The following PTPRN2 variants were observed in gnomAD, a reference collection of about 807,000 sequenced individuals.
PTPRN2 encodes receptor-type tyrosine-protein phosphatase N2.
Under a neutral mutation model 118.8 loss-of-function variants are expected in PTPRN2, and 74 were observed. That is an observed-to-expected ratio of 0.62 (90% CI 0.52 to 0.76). The LOEUF (loss-of-function observed/expected upper bound fraction) is 0.76. Among genes scored for constraint, PTPRN2 ranks in the 30% least tolerant of loss-of-function variants. The probability of loss-of-function intolerance (pLI) is 0.00; values close to 1 mark genes in which losing one functional copy is unlikely to be tolerated. For synonymous variants in PTPRN2, 641 were observed against 608.0 expected (o/e 1.05, Z -0.80); for missense variants, 1,481 against 1,394.4 (o/e 1.06, Z -0.99).
rs117366370 is a variant in PTPRN2 at position 157,891,349 on chromosome 7, G to A, written c.1788+7324C>T. 8.4e-3 allele frequency among the ~76,000 whole-genome samples: 1,284 copies of A among 152,096 alleles called. 11 individuals carry two copies. Among genetic ancestry groups the A allele is most frequent in the Non-Finnish European group, 0.015 (1,013 of 67,980 alleles). Reference sequence around the variant, plus strand: ...AATGAAGCTGGTTTCGAACACATCCGTCACCCATCTCAGTTCTGCCCACTG... The same window carrying A: ...AATGAAGCTGGTTTCGAACACATCCATCACCCATCTCAGTTCTGCCCACTG... On this transcript the variant is annotated intron_variant, in intron 12 of 22. Transcript: ENST00000389418.
intron 14 of PTPRN2, among the ~76,000 whole-genome samples, chr7:157,625,137 G>A (rs1175382659): frequency 1.3e-5 from 2 of 152,212 alleles, no homozygotes; most frequent in East Asian, 3.8e-4. Flanking sequence ...TGATGGGAAT[G>A]TAAACTAGTA....
In PTPRN2 at chr7:157,910,705, CGTGT is replaced by C. The variant is rs34091528; in HGVS notation, c.1724-11972_1724-11969del. Among the ~76,000 whole-genome samples the C allele has an allele frequency of 1.2e-3, 183 of 151,272 alleles. 1 individual carries two copies. Among genetic ancestry groups the C allele is most frequent in the Non-Finnish European group, 2.1e-3 (139 of 67,616 alleles). On this transcript the variant is annotated intron_variant, in intron 11 of 22. Transcript: ENST00000389418. ...CAGAAAGATGCCATGCGGCAGGGCA[CGTGT>C]GTGTGTGTGTGTGTGCGAGCGCGCG...
At chr7:158,149,904 A>G (rs1820780402) in intron 6 of PTPRN2, among the ~76,000 whole-genome samples, 1 of 152,152 alleles carries the variant, frequency 6.6e-6, no homozygotes, top group Non-Finnish European at 1.5e-5. Flanking sequence ...AAAAGTGGCA[A>G]GAATATATTT....
intron 5 of PTPRN2, among the ~76,000 whole-genome samples, chr7:158,187,939 G>T (rs1271641013): frequency 6.6e-6 from 1 of 152,174 alleles, no homozygotes; most frequent in African/African-American, 2.4e-5. Flanking sequence ...TGGAATATTT[G>T]ACATGACCGG....
At chr7:158,008,796 G>A (rs778702791) in intron 11 of PTPRN2, among the ~76,000 whole-genome samples, 33 of 152,082 alleles carry the variant, frequency 2.2e-4, no homozygotes, top group Non-Finnish European at 3.8e-4. Context: ...TCTCTTCCAC[G>A]CACGTGTCTG....
At position 157,784,748 on chromosome 7, in the gene PTPRN2, C is replaced by T. The variant is rs1186312379; in HGVS notation, c.1789-101811G>A. Among the ~76,000 whole-genome samples, 2 of 152,034 alleles carry T rather than the reference C, an allele frequency of 1.3e-5. No individual in the cohort carries two copies. The highest frequency in any genetic ancestry group is 2.4e-5 in the African/African-American group (1 of 41,406). ...TGCAAACCGAGGGCCCCCTGGGTCT[C>T]GACATTTCACCGCAAACCCTGACCC... On this transcript the variant is annotated intron_variant, in intron 12 of 22. Coordinates refer to ENST00000389418, the MANE Select transcript of PTPRN2 (RefSeq NM_002847.5). This position sits in a 1 kb window ranked among gnomAD's most constrained non-coding sequence, Gnocchi z 4.6.
rs189975331 is a variant in PTPRN2 at position 157,769,668 on chromosome 7, G to C, written c.1789-86731C>G. On this transcript the variant is annotated intron_variant, in intron 12 of 22. Coordinates refer to ENST00000389418, the MANE Select transcript of PTPRN2 (RefSeq NM_002847.5). ...AAACACACCCACACATCTTCACCAG[G>C]ATTTGTAACAGCACAGCAGACATGT... 9.9e-5 allele frequency among the ~76,000 whole-genome samples: 15 copies of C among 152,248 alleles called. 3 individuals carry two copies. The highest frequency in any genetic ancestry group is 3.6e-4 in the African/African-American group (15 of 41,534).
At chr7:157,889,454 T>C (rs1227349539) in intron 12 of PTPRN2, among the ~76,000 whole-genome samples, 1 of 152,166 alleles carries the variant, frequency 6.6e-6, no homozygotes, top group East Asian at 1.9e-4. Flanking sequence ...CATTCCCTCC[T>C]CATAAGAGAC....
intron 14 of PTPRN2, among the ~76,000 whole-genome samples, chr7:157,643,843 C>T (rs1356949009): frequency 3.3e-5 from 5 of 152,240 alleles, no homozygotes; most frequent in Admixed American, 1.3e-4. Flanking sequence ...GTCACCAACT[C>T]GTGCAGCAGA....
At chr7:157,958,349 G>C (rs192800996) in intron 11 of PTPRN2, among the ~76,000 whole-genome samples, 12 of 152,302 alleles carry the variant, frequency 7.9e-5, no homozygotes, top group African/African-American at 2.9e-4. Context: ...AATATGAGGA[G>C]GCCTGCTTTC....
At position 157,953,985 on chromosome 7, in the gene PTPRN2, A is replaced by G. The variant is rs762033815; in HGVS notation, c.1724-55248T>C. ...AACTCTCTGGAAAGGCCGTTCCAAG[A>G]GCTTCAGGTGTTCAGGTTCGTATCT... On this transcript the variant is annotated intron_variant, in intron 11 of 22. Coordinates refer to ENST00000389418, the MANE Select transcript of PTPRN2 (RefSeq NM_002847.5). The surrounding 1 kb of genome is among the most constrained non-coding windows in gnomAD (Gnocchi z 4.6). Among the ~76,000 whole-genome samples, 1 of 152,224 alleles carries G rather than the reference A, an allele frequency of 6.6e-6. No individual in the cohort carries two copies. The highest frequency in any genetic ancestry group is 2.4e-5 in the African/African-American group (1 of 41,448).
chr7:157,721,465 G>A (rs181110771), intron 12 of PTPRN2, among the ~76,000 whole-genome samples: 3 of 152,354 alleles, frequency 2.0e-5, no homozygotes, highest in Admixed American at 1.3e-4. Context: ...CCATGCCAAA[G>A]CATCTCCACA....
chr7:158,163,571 G>A lies in PTPRN2; in HGVS notation c.910+3360C>T, dbSNP rs542529902. On this transcript the variant is annotated intron_variant, in intron 6 of 22. Coordinates refer to ENST00000389418, the MANE Select transcript of PTPRN2 (RefSeq NM_002847.5). ...ATTTCATAGGTGACGCCTGTACGGG[G>A]TTCTCAATATTCTCTGTATATTTCA... 4.6e-5 allele frequency among the ~76,000 whole-genome samples: 7 copies of A among 151,430 alleles called. No homozygotes were observed. The South Asian group carries it at 1.5e-3, about 32-fold the overall frequency.
At chr7:158,519,804 G>C (rs755079714) in intron 1 of PTPRN2, among the ~76,000 whole-genome samples, 1 of 152,062 alleles carries the variant, frequency 6.6e-6, no homozygotes, top group Non-Finnish European at 1.5e-5. Context: ...AGGGAAGAAG[G>C]GTTACCCAAT....
At chr7:157,910,835 T>TA (rs544231551) in intron 11 of PTPRN2, among the ~76,000 whole-genome samples, 20 of 152,390 alleles carry the variant, frequency 1.3e-4, no homozygotes, top group African/African-American at 4.8e-4. Context: ...GTTTTGATGT[T>TA]AATCATTTTA....
chr7:158,380,818 C>A (rs1005871972), intron 2 of PTPRN2, among the ~76,000 whole-genome samples: 5 of 152,234 alleles, frequency 3.3e-5, no homozygotes, highest in African/African-American at 1.2e-4. Flanking sequence ...CAGGCATTTC[C>A]ATACATCTTC....
chr7:158,578,061 G>A (rs941768305), intron 1 of PTPRN2, among the ~76,000 whole-genome samples: 3 of 152,208 alleles, frequency 2.0e-5, no homozygotes, highest in African/African-American at 7.2e-5. Context: ...CGGCAAGCTC[G>A]TTGACAAGAC....
chr7:158,568,192 G>A (rs890303126), intron 1 of PTPRN2, among the ~76,000 whole-genome samples: 5 of 152,142 alleles, frequency 3.3e-5, no homozygotes, highest in African/African-American at 9.7e-5. Flanking sequence ...GGCAAAGGTT[G>A]CAGTGAGCCA....
chr7:158,506,596 G>A (rs73528634), intron 1 of PTPRN2, among the ~76,000 whole-genome samples: 73 of 151,892 alleles, frequency 4.8e-4, no homozygotes, highest in African/African-American at 1.7e-3. Flanking sequence ...ACAGGCCCGG[G>A]GTCTACAGGA....
Sources: allele counts gnomAD v4.1 joint callset (sites outside exome capture counted in the v4.1 genomes callset), GRCh38; gene constraint gnomAD v4.1.1; non-coding constraint Gnocchi (gnomAD v3.1); transcripts MANE v1.5; gene names NCBI Gene and HGNC (gene_info 2026-07-23, HGNC 2026-07-21).